Variants in GRID2 observed in about 807,000 individuals in gnomAD.
GRID2 encodes the protein glutamate ionotropic receptor delta type subunit 2, also known as glutamate receptor ionotropic, delta-2.
GRID2 carries 33 observed loss-of-function variants against 114.8 expected under a neutral mutation model. The ratio of observed to expected loss-of-function variants is 0.29; its 90% confidence interval spans 0.22 to 0.38. The LOEUF (loss-of-function observed/expected upper bound fraction) is 0.38. Ranked by LOEUF, GRID2 falls within the 10% of genes least tolerant of loss-of-function variation. GRID2 has a pLI of 1.00. For missense variants in GRID2, 1,184 were observed against 1,257.7 expected (o/e 0.94, Z 0.89); for synonymous variants, 505 against 449.9 (o/e 1.12, Z -1.55).
intron 8 of GRID2, among the ~76,000 whole-genome samples, chr4:93,250,787 G>GTA (rs1255813929): frequency 1.3e-5 from 2 of 148,804 alleles, no homozygotes; most frequent in East Asian, 2.0e-4. Flanking sequence ...GTGCATGCAT[G>GTA]TATATATATA....
At chr4:93,662,412 C>T (rs1992278) in intron 14 of GRID2, among the ~76,000 whole-genome samples, 86,165 of 152,014 alleles carry the variant, frequency 0.57, 25,961 homozygotes, top group African/African-American at 0.78. Context: ...GTTTTATTCA[C>T]TGTGGTATGC....
At chr4:92,717,976 C>T (rs2149315094) in intron 2 of GRID2, among the ~76,000 whole-genome samples, 1 of 152,122 alleles carries the variant, frequency 6.6e-6, no homozygotes, top group South Asian at 2.1e-4. Flanking sequence ...ATATAAGGAT[C>T]CCATTTTTCA....
chr4:93,243,171 C>G (rs189773346), intron 8 of GRID2, among the ~76,000 whole-genome samples: 3 of 151,918 alleles, frequency 2.0e-5, no homozygotes, highest in Non-Finnish European at 4.4e-5. Context: ...TTTTATAACT[C>G]AATTATTTTT....
chr4:93,141,496 G>A lies in GRID2; in HGVS notation c.735+30543G>A, dbSNP rs78059052. On this transcript the variant is annotated intron_variant, in intron 4 of 15. Transcript: ENST00000282020. ...TATCATCATGAAAGAAGAAACAAAAGCAATGATGTCTGTATACTTAAAATA... is the reference window on the plus strand; with the variant it reads ...TATCATCATGAAAGAAGAAACAAAAACAATGATGTCTGTATACTTAAAATA... Among the ~76,000 whole-genome samples the A allele has an allele frequency of 4.9e-3, 741 of 152,204 alleles. 1 individual carries two copies. The highest frequency in any genetic ancestry group is 8.4e-3 in the Non-Finnish European group (573 of 67,994).
At chr4:92,729,521 T>G (rs1736228382) in intron 2 of GRID2, among the ~76,000 whole-genome samples, 1 of 152,048 alleles carries the variant, frequency 6.6e-6, no homozygotes, top group African/African-American at 2.4e-5. Context: ...AAGAAGCATG[T>G]TTTGCTTTGT....
intron 2 of GRID2, among the ~76,000 whole-genome samples, chr4:92,809,920 C>A (rs925011560): frequency 2.0e-5 from 3 of 151,954 alleles, no homozygotes; most frequent in African/African-American, 7.2e-5. Flanking sequence ...TAATGTCTGA[C>A]CTGACACCTT....
intron 8 of GRID2, among the ~76,000 whole-genome samples, chr4:93,286,828 T>A (rs1404254549): frequency 1.3e-5 from 2 of 152,046 alleles, no homozygotes; most frequent in Non-Finnish European, 2.9e-5. Flanking sequence ...TCTGAAAAAA[T>A]TATTTTCCAA....
At chr4:93,061,357 CTAGA>C (rs879688289) in intron 2 of GRID2, among the ~76,000 whole-genome samples, 1 of 151,534 alleles carries the variant, frequency 6.6e-6, no homozygotes, top group Non-Finnish European at 1.5e-5. Context: ...GGACCAGCGG[CTAGA>C]TAGAACATGC....
intron 9 of GRID2, among the ~76,000 whole-genome samples, chr4:93,403,008 A>T (rs2149341157): frequency 6.6e-6 from 1 of 152,216 alleles, no homozygotes; most frequent in East Asian, 1.9e-4. Context: ...ACCTGGAGGC[A>T]AGGTTAGGGG....
At chr4:92,438,588 G>C (rs1259888298) in intron 1 of GRID2, among the ~76,000 whole-genome samples, 2 of 151,588 alleles carry the variant, frequency 1.3e-5, no homozygotes, top group African/African-American at 4.8e-5. Context: ...CTGTGTGTGT[G>C]TGTGTGTGTG....
At chr4:93,674,817 G>C (rs1724710897) in intron 14 of GRID2, among the ~76,000 whole-genome samples, 1 of 151,914 alleles carries the variant, frequency 6.6e-6, no homozygotes, top group East Asian at 1.9e-4. Context: ...AAATTTGTTT[G>C]ATTTTTCAAC....
At chr4:92,775,708 T>C (rs943886329) in intron 2 of GRID2, among the ~76,000 whole-genome samples, 1 of 152,164 alleles carries the variant, frequency 6.6e-6, no homozygotes, top group Non-Finnish European at 1.5e-5. Context: ...TTCACTTTCT[T>C]GTAACTTGCA....
chr4:92,484,324 G>C (rs1048528185), intron 1 of GRID2, among the ~76,000 whole-genome samples: 1 of 152,044 alleles, frequency 6.6e-6, no homozygotes, highest in Non-Finnish European at 1.5e-5. Flanking sequence ...TTCCCTTGAA[G>C]AAAGTTAGTA....
At chr4:93,074,460 A>C (rs1729084060) in intron 2 of GRID2, among the ~76,000 whole-genome samples, 1 of 152,210 alleles carries the variant, frequency 6.6e-6, no homozygotes, top group South Asian at 2.1e-4. Context: ...AACATACATG[A>C]ATAATAGGGG....
At position 92,461,165 on chromosome 4, in the gene GRID2, T is replaced by C. The variant is rs112890392; in HGVS notation, c.89-128966T>C. Among the ~76,000 whole-genome samples, 1,337 of 152,026 alleles carry C rather than the reference T, an allele frequency of 8.8e-3. 24 individuals are homozygous for C. Among genetic ancestry groups the C allele is most frequent in the African/African-American group, 0.031 (1,277 of 41,526 alleles). On this transcript the variant is annotated intron_variant, in intron 1 of 15. Transcript: ENST00000282020. Reference sequence around the variant, plus strand: ...TAAGTGTTTAAAGTAAAATATTTTATCAGGTATACTTATGAAACATCAAGT... The same window carrying C: ...TAAGTGTTTAAAGTAAAATATTTTACCAGGTATACTTATGAAACATCAAGT...
chr4:92,937,960 A>C (rs1750789581), intron 2 of GRID2, among the ~76,000 whole-genome samples: 1 of 146,784 alleles, frequency 6.8e-6, no homozygotes, highest in Non-Finnish European at 1.5e-5. Context: ...TCACCTTTAA[A>C]TATGATGGTA....
At chr4:93,234,604 TA>T (rs1746549514) in intron 7 of GRID2, among the ~76,000 whole-genome samples, 2 of 151,896 alleles carry the variant, frequency 1.3e-5, no homozygotes, top group Admixed American at 1.3e-4. Flanking sequence ...CAAATTTTCC[TA>T]GATATTTCAC....
intron 2 of GRID2, among the ~76,000 whole-genome samples, chr4:92,748,163 G>C (rs1255554016): frequency 6.6e-6 from 1 of 152,072 alleles, no homozygotes; most frequent in Non-Finnish European, 1.5e-5. Flanking sequence ...TTAGATTTCT[G>C]AATACATTTT....
At chr4:92,923,301 T>C (rs74545007) in intron 2 of GRID2, among the ~76,000 whole-genome samples, 6,750 of 152,224 alleles carry the variant, frequency 0.044, 263 homozygotes, top group East Asian at 0.19. Context: ...TGCTGATAAT[T>C]GAATATACTG....
Sources: gnomAD v4.1 joint callset for allele counts (sites outside exome capture counted in the v4.1 genomes callset) on GRCh38, gnomAD v4.1.1 for gene constraint, MANE v1.5 for transcripts, NCBI Gene and HGNC (gene_info 2026-07-23, HGNC 2026-07-21) for gene names.